KCNK2: variants seen among roughly 807,000 people sequenced by gnomAD.
The protein encoded by KCNK2 is potassium two pore domain channel subfamily K member 2.
Under a neutral mutation model 40.5 loss-of-function variants are expected in KCNK2, and 21 were observed. The observed-to-expected ratio is 0.52, with a 90% CI of 0.37 to 0.75. The LOEUF (loss-of-function observed/expected upper bound fraction) is 0.75. Ranked by LOEUF, KCNK2 falls within the 30% of genes least tolerant of loss-of-function variation. KCNK2 has a pLI of 0.00. For missense variants in KCNK2, 399 were observed against 531.6 expected (o/e 0.75, Z 2.45); for synonymous variants, 191 against 202.2 (o/e 0.94, Z 0.47).
intron 3 of KCNK2, among the ~76,000 whole-genome samples, chr1:215,161,879 A>G (rs943141349): frequency 4.6e-5 from 7 of 152,216 alleles, no homozygotes; most frequent in Admixed American, 4.6e-4. Context: ...TAGTGCTGCA[A>G]TAAACATACA....
intron 3 of KCNK2, among the ~76,000 whole-genome samples, 183 bp downstream of exon 3, chr1:215,124,933 G>T (rs1661350059): frequency 6.6e-6 from 1 of 152,136 alleles, no homozygotes. Context: ...AAATGAATTA[G>T]TTATTTTAGA....
At chr1:215,108,797 T>G in intron 2 of KCNK2, among the ~76,000 whole-genome samples, 1 of 35,554 alleles carries the variant, frequency 2.8e-5, no homozygotes, top group African/African-American at 1.2e-4. Flanking sequence ...TATTCATCTG[T>G]GTGGGGTGGG....
intron 5 of KCNK2, among the ~76,000 whole-genome samples, chr1:215,177,773 C>T (rs1578137): frequency 0.77 from 104,412 of 136,324 alleles, 40,256 homozygotes; most frequent in African/African-American, 0.79. Flanking sequence ...CATGCTGTTT[C>T]GGTTACTCTA....
At chr1:215,122,764 GAA>G (rs1661247353) in intron 2 of KCNK2, among the ~76,000 whole-genome samples, 1 of 41,562 alleles carries the variant, frequency 2.4e-5, no homozygotes. Context: ...TTTTTTTTTT[GAA>G]ATGGAGTCTC....
rs192767519 is a variant in KCNK2, at chr1:215,195,684, T to C, written c.963+592T>C. On this transcript the variant is annotated intron_variant, in intron 6 of 6. Coordinates refer to ENST00000444842, the MANE Select transcript of KCNK2 (RefSeq NM_001017425.3). ...ACATATAGAAGTGAACATTAGAATT[T>C]TGACCCATGAAATTTGGGAAAATTT... Among the ~76,000 whole-genome samples, 651 of 152,338 alleles carry C rather than the reference T, an allele frequency of 4.3e-3. 6 individuals are homozygous for C. The highest frequency in any genetic ancestry group is 0.015 in the African/African-American group (611 of 41,576).
At chr1:215,069,635 A>C (rs1482126617) in intron 1 of KCNK2, among the ~76,000 whole-genome samples, 2 of 150,970 alleles carry the variant, frequency 1.3e-5, no homozygotes, top group Non-Finnish European at 2.9e-5. Flanking sequence ...TCAAATGTTA[A>C]CTTTTTGGGG....
chr1:215,070,708 G>A (rs553856372), intron 1 of KCNK2, among the ~76,000 whole-genome samples: 22 of 152,180 alleles, frequency 1.4e-4, no homozygotes, highest in Admixed American at 3.3e-4. Context: ...TGAGAGCTAC[G>A]GTTCAAGATG....
rs77120959 is a variant in KCNK2 at position 215,021,187 on chromosome 1, C to T, written c.34+15232C>T. Among the ~76,000 whole-genome samples, 443 of 152,192 alleles carry T rather than the reference C, an allele frequency of 2.9e-3. 1 individual carries two copies. Among genetic ancestry groups the T allele is most frequent in the Non-Finnish European group, 4.5e-3 (308 of 68,010 alleles). ...GTACCTGCAATTCTCAGCTTACCAACGGAACGGTTTAAGAAATATGATTTT... is the reference window on the plus strand; with the variant it reads ...GTACCTGCAATTCTCAGCTTACCAATGGAACGGTTTAAGAAATATGATTTT... On this transcript the variant is annotated intron_variant, in intron 1 of 6. Transcript: ENST00000391895.
intron 2 of KCNK2, among the ~76,000 whole-genome samples, chr1:215,098,192 A>G (rs988329641): frequency 8.2e-6 from 1 of 121,870 alleles, no homozygotes; most frequent in African/African-American, 2.5e-5. Flanking sequence ...ATAAGTGTTC[A>G]TTAAAACTGT....
chr1:215,048,777 G>A (rs1020890689), intron 1 of KCNK2, among the ~76,000 whole-genome samples: 17 of 152,134 alleles, frequency 1.1e-4, no homozygotes, highest in East Asian at 3.9e-4. Flanking sequence ...CTCTGGCTGC[G>A]TCAGCCTGGG....
At chr1:215,209,460 T>TA (rs1665507847) in intron 6 of KCNK2, among the ~76,000 whole-genome samples, 1 of 4,280 alleles carries the variant, frequency 2.3e-4, no homozygotes, top group Non-Finnish European at 7.4e-4. Context: ...ATATTATATA[T>TA]TATATATAAT....
chr1:215,033,733 C>T (rs751721325), intron 1 of KCNK2, among the ~76,000 whole-genome samples: 1 of 152,174 alleles, frequency 6.6e-6, no homozygotes, highest in Non-Finnish European at 1.5e-5. Context: ...AATATTTAGT[C>T]TCCGATAAAA....
chr1:215,009,324 A>G (rs917320850), intron 1 of KCNK2, among the ~76,000 whole-genome samples: 2 of 152,170 alleles, frequency 1.3e-5, no homozygotes, highest in African/African-American at 4.8e-5. Flanking sequence ...ATATGAAATG[A>G]CAATCTAGCT....
chr1:215,177,740 A>ATGTGTATATATATATATATATTTT (rs71167812), intron 5 of KCNK2, among the ~76,000 whole-genome samples: 1 of 101,600 alleles, frequency 9.8e-6, no homozygotes, highest in African/African-American at 3.5e-5. Flanking sequence ...ATATATATAT[A>ATGTGTATATATATATATATATTTT]TTTTTTTTTT....
intron 1 of KCNK2, among the ~76,000 whole-genome samples, chr1:215,085,007 G>A (rs1292126537): frequency 6.6e-6 from 1 of 152,102 alleles, no homozygotes; most frequent in African/African-American, 2.4e-5. Flanking sequence ...TTAAAACTAT[G>A]GTAGCCTACA....
intron 1 of KCNK2, among the ~76,000 whole-genome samples, chr1:215,054,494 C>T (rs552574172): frequency 6.6e-5 from 10 of 152,290 alleles, no homozygotes; most frequent in African/African-American, 2.4e-4. Context: ...AGCTTCCTCA[C>T]ACATATACCA....
intron 3 of KCNK2, among the ~76,000 whole-genome samples, chr1:215,165,003 A>G (rs1663378124): frequency 6.6e-6 from 1 of 152,182 alleles, no homozygotes; most frequent in Non-Finnish European, 1.5e-5. Flanking sequence ...TACTCTTACT[A>G]TGCATGTACA....
chr1:215,086,285 C>T, intron 1 of KCNK2, 83 bp from the exon 2 acceptor site: 1 of 1,147,388 alleles, frequency 8.7e-7, no homozygotes, highest in Non-Finnish European at 1.3e-6. Context: ...TTCAATCAAC[C>T]TTCTCTGACC....
intron 3 of KCNK2, among the ~76,000 whole-genome samples, chr1:215,146,712 C>T (rs898929424): frequency 2.0e-5 from 3 of 152,158 alleles, no homozygotes; most frequent in Non-Finnish European, 4.4e-5. Flanking sequence ...CCATATCTCT[C>T]GCCTTAATCT....
Sources: allele counts gnomAD v4.1 joint callset (sites outside exome capture counted in the v4.1 genomes callset), GRCh38; gene constraint gnomAD v4.1.1; transcripts MANE v1.5; gene names NCBI Gene and HGNC (gene_info 2026-07-23, HGNC 2026-07-21).